Variants in SPATA7 observed in about 807,000 individuals in gnomAD.
The protein encoded by SPATA7 is spermatogenesis-associated protein 7.
A neutral mutation model predicts 51.8 loss-of-function variants in SPATA7; 43 were observed. The observed-to-expected ratio is 0.83, with a 90% CI of 0.65 to 1.07. SPATA7 has a LOEUF of 1.07. Among genes scored for constraint, SPATA7 ranks in the 50% least tolerant of loss-of-function variants. SPATA7 has a pLI of 0.00. For missense variants in SPATA7, 683 were observed against 701.3 expected (o/e 0.97, Z 0.30); for synonymous variants, 230 against 252.8 (o/e 0.91, Z 0.86).
intron 4 of SPATA7, among the ~76,000 whole-genome samples, chr14:88,399,343 C>T (rs2075992095): frequency 6.6e-6 from 1 of 152,068 alleles, no homozygotes; most frequent in Non-Finnish European, 1.5e-5. Flanking sequence ...ATGTTTGCAA[C>T]AAACCTTCGT....
At position 88,429,413 on chromosome 14, in the gene SPATA7, C is replaced by T. The variant is rs1180396790; in HGVS notation, c.978C>T (p.Asp326=). 3.7e-6 allele frequency: 6 copies of T among 1,612,768 alleles called. No homozygotes were observed. Among genetic ancestry groups the T allele is most frequent in the African/African-American group, 1.3e-5 (1 of 74,868 alleles). Reference sequence around the variant, plus strand: ...CTCCTTTACCTTTAGAAGGGCATGACTCAACATGGGATGAGATTAAGGATG... The same window carrying T: ...CTCCTTTACCTTTAGAAGGGCATGATTCAACATGGGATGAGATTAAGGATG... The part of the protein sequence containing the change: ...KIAPLPLEGH[D]STWDEIKDDA... Residue 326 remains aspartate, a synonymous_variant, in exon 8 of 12, where the codon GAC becomes GAT. Coordinates refer to ENST00000393545, the MANE Select transcript of SPATA7 (RefSeq NM_018418.5).
Position 88,469,633 on chromosome 14 carries a change from G to A in SPATA7, c.255-214G>A. 1.9e-6 allele frequency: 3 copies of A among 1,614,176 alleles called. No homozygotes were observed. The highest frequency in any genetic ancestry group is 2.5e-6 in the Non-Finnish European group (3 of 1,180,036). ...TGTGGTGGCATAGCAGCCAGAGTCT[G>A]TGCGGAACCGGGTCGTGATCTTAAA... On this transcript the variant is annotated intron_variant, in intron 4 of 4. Coordinates refer to the SPATA7 transcript ENST00000556406. The surrounding 1 kb of genome is among the most constrained non-coding windows in gnomAD (Gnocchi z 4.3).
At chr14:88,420,958 C>CA (rs141945871) in intron 5 of SPATA7, among the ~76,000 whole-genome samples, 109 of 150,644 alleles carry the variant, frequency 7.2e-4, no homozygotes, top group African/African-American at 2.4e-3. Flanking sequence ...TACTAAAATA[C>CA]AAAAAAAAAT....
Position 88,438,441 on chromosome 14 carries a change from T to A in SPATA7, c.*19T>A. ...TGTTTAATCTTCATTAATAAATACC[T>A]CAAATGGCCAGTAACTCAATATTAC... On this transcript the variant is annotated 3_prime_UTR_variant, in exon 12 of 12. Coordinates refer to ENST00000393545, the MANE Select transcript of SPATA7 (RefSeq NM_018418.5). 2 of 1,531,946 alleles carry A rather than the reference T, an allele frequency of 1.3e-6. No individual in the cohort carries two copies. Among genetic ancestry groups the A allele is most frequent in the Non-Finnish European group, 1.8e-6 (2 of 1,106,486 alleles). 94.9% of individuals were successfully genotyped at this position (1,531,946 alleles called of 1,614,324 possible). A position where few individuals can be genotyped will look rare whatever the true frequency, so the allele number is the denominator to read the frequency against.
downstream of SPATA7, among the ~76,000 whole-genome samples, chr14:88,455,863 C>T (rs1268153363): frequency 6.7e-6 from 1 of 149,604 alleles, no homozygotes. Context: ...TCTCCTAATG[C>T]TATCCCTCCC....
chr14:88,441,496 C>A (rs1006295374), downstream of SPATA7, among the ~76,000 whole-genome samples: 2 of 152,146 alleles, frequency 1.3e-5, no homozygotes, highest in Non-Finnish European at 2.9e-5. Flanking sequence ...TTCACCACAT[C>A]CACACCAATA....
At chr14:88,466,391 G>C (rs1033576449) in intron 4 of SPATA7, 2 of 152,154 alleles carry the variant, frequency 1.3e-5, no homozygotes, top group African/African-American at 4.8e-5. Flanking sequence ...GTAAGGCAGA[G>C]TTAGGCTGGT....
chr14:88,402,322 A>G (rs1241803933), intron 4 of SPATA7, among the ~76,000 whole-genome samples: 1 of 148,526 alleles, frequency 6.7e-6, no homozygotes, highest in East Asian at 2.0e-4. Context: ...GGACCACAAA[A>G]GACCACAAAT....
At position 88,447,652 on chromosome 14, in the gene SPATA7, C is replaced by T. The variant is rs909218163; in HGVS notation, c.178-7408C>T. Among the ~76,000 whole-genome samples the T allele has an allele frequency of 5.1e-3, 781 of 151,654 alleles. 3 individuals carry two copies. Among genetic ancestry groups the T allele is most frequent in the African/African-American group, 0.018 (726 of 41,444 alleles). On this transcript the variant is annotated intron_variant, in intron 3 of 3. Coordinates refer to the SPATA7 transcript ENST00000554802. ...TGTTCCTTTCCATGTTTAGCGCTTC[C>T]TTCAGGAGCTCTTTTAGGGCAGGCC...
At position 88,469,489 on chromosome 14, in the gene SPATA7, A is replaced by T. The variant is rs763121661; in HGVS notation, c.255-358A>T. The T allele has an allele frequency of 5.0e-6, 8 of 1,597,282 alleles. No homozygotes were observed. The East Asian group carries it at 1.8e-4, about 36-fold the overall frequency. ...GCAGCTGTCCTCGGAACAAAGTTAA[A>T]GTCACTCACATAAAAATCCCTTGAG... On this transcript the variant is annotated intron_variant, in intron 4 of 4. Transcript: ENST00000556406. This position sits in a 1 kb window ranked among gnomAD's most constrained non-coding sequence, Gnocchi z 4.3.
intron 3 of SPATA7, chr14:88,454,971 C>G: frequency 2.4e-6 from 1 of 414,572 alleles, no homozygotes; most frequent in South Asian, 1.7e-5. Context: ...ACCTGGAAAA[C>G]TAAAGTGATT....
chr14:88,420,866 A>G (rs2076621653), intron 5 of SPATA7, among the ~76,000 whole-genome samples: 1 of 152,206 alleles, frequency 6.6e-6, no homozygotes, highest in Admixed American at 6.5e-5. Context: ...CTGTAATCCC[A>G]GCACTTTGGG....
At chr14:88,393,560 C>A in intron 3 of SPATA7, 72 bp downstream of exon 3, 2 of 1,121,472 alleles carry the variant, frequency 1.8e-6, no homozygotes, top group African/African-American at 1.6e-5. Context: ...TAAAATATAT[C>A]TATAGCAAAA....
intron 3 of SPATA7, among the ~76,000 whole-genome samples, chr14:88,394,553 C>T (rs1231178856): frequency 6.6e-6 from 1 of 152,042 alleles, no homozygotes; most frequent in African/African-American, 2.4e-5. Flanking sequence ...TATGATTCAC[C>T]AGTTGTTAAA....
At chr14:88,464,416 T>C (rs1431809610) in intron 4 of SPATA7, among the ~76,000 whole-genome samples, 1 of 152,126 alleles carries the variant, frequency 6.6e-6, no homozygotes, top group Non-Finnish European at 1.5e-5. Context: ...TACATTTCTA[T>C]CCAAAAGAGT....
intron 4 of SPATA7, among the ~76,000 whole-genome samples, chr14:88,404,115 A>G (rs1036608202): frequency 1.3e-5 from 2 of 152,174 alleles, no homozygotes; most frequent in Non-Finnish European, 2.9e-5. Context: ...TCATGACTGG[A>G]AAGAATATAT....
chr14:88,418,986 CT>C lies in SPATA7; in HGVS notation c.372+2143del, dbSNP rs546282938. Among the ~76,000 whole-genome samples the C allele has an allele frequency of 3.6e-3, 540 of 152,070 alleles. 4 individuals are homozygous for C. The highest frequency in any genetic ancestry group is 5.1e-3 in the Non-Finnish European group (346 of 67,986). On this transcript the variant is annotated intron_variant, in intron 5 of 11. Coordinates refer to ENST00000393545, the MANE Select transcript of SPATA7 (RefSeq NM_018418.5). ...AGGTGGACAATTTTTTAAAAATGTCCTGTCATTATATGTTTGAAAATAAAAT... is the reference window on the plus strand; with the variant it reads ...AGGTGGACAATTTTTTAAAAATGTCCGTCATTATATGTTTGAAAATAAAAT...
intron 10 of SPATA7, among the ~76,000 whole-genome samples, chr14:88,437,290 G>C (rs1442634505): frequency 6.6e-6 from 1 of 151,618 alleles, no homozygotes; most frequent in Non-Finnish European, 1.5e-5. Flanking sequence ...GCTTTTTGGT[G>C]GTGGGGTGAG....
downstream of SPATA7, among the ~76,000 whole-genome samples, chr14:88,458,157 A>G (rs550877353): frequency 1.6e-3 from 239 of 152,268 alleles, 1 homozygote; most frequent in African/African-American, 5.6e-3. Flanking sequence ...TTTTGCATCA[A>G]TGTTCATCAG....
Sources: allele counts gnomAD v4.1 joint callset (sites outside exome capture counted in the v4.1 genomes callset), GRCh38; gene constraint gnomAD v4.1.1; non-coding constraint Gnocchi (gnomAD v3.1); transcripts MANE v1.5; gene names NCBI Gene and HGNC (gene_info 2026-07-23, HGNC 2026-07-21).